The following THSD7A variants were observed in gnomAD, a reference collection of about 807,000 sequenced individuals.
THSD7A encodes thrombospondin type-1 domain-containing protein 7A.
A neutral mutation model predicts 231.3 loss-of-function variants in THSD7A; 96 were observed. The observed-to-expected ratio is 0.41, with a 90% CI of 0.35 to 0.49. The LOEUF (loss-of-function observed/expected upper bound fraction) is 0.49. Among genes scored for constraint, THSD7A ranks in the 20% least tolerant of loss-of-function variants. THSD7A has a pLI of 0.05. For synonymous variants in THSD7A, 940 were observed against 743.3 expected, an observed-to-expected ratio of 1.26 and a Z score of -4.30; for missense variants, 2,290 against 2,070.2, an observed-to-expected ratio of 1.11 and a Z score of -2.06.
intron 4 of THSD7A, among the ~76,000 whole-genome samples, chr7:11,589,137 C>T (rs963091292): frequency 3.3e-5 from 5 of 152,090 alleles, no homozygotes; most frequent in African/African-American, 9.7e-5. Context: ...TGCTCATATT[C>T]CTTCCCAAAA....
At chr7:11,685,190 G>A (rs1191502290) in intron 1 of THSD7A, among the ~76,000 whole-genome samples, 1 of 151,740 alleles carries the variant, frequency 6.6e-6, no homozygotes, top group Non-Finnish European at 1.5e-5. Context: ...AATGAAACTT[G>A]ACCTATACCT....
chr7:11,596,865 G>A (rs988771055), intron 2 of THSD7A, among the ~76,000 whole-genome samples: 1 of 152,210 alleles, frequency 6.6e-6, no homozygotes, highest in African/African-American at 2.4e-5. Context: ...CCATTGACAT[G>A]GCAAGTGCCT....
At chr7:11,548,290 C>G (rs1347852094) in intron 4 of THSD7A, among the ~76,000 whole-genome samples, 1 of 151,866 alleles carries the variant, frequency 6.6e-6, no homozygotes, top group Admixed American at 6.6e-5. Context: ...AATATACAAC[C>G]TCCAAAAATT....
At chr7:11,452,929 C>G (rs1330183622) in intron 11 of THSD7A, among the ~76,000 whole-genome samples, 1 of 151,776 alleles carries the variant, frequency 6.6e-6, no homozygotes, top group Non-Finnish European at 1.5e-5. Flanking sequence ...AATATATCAG[C>G]CAAAAAAGAG....
chr7:11,699,426 C>A (rs1018786424), intron 1 of THSD7A, among the ~76,000 whole-genome samples: 10 of 151,104 alleles, frequency 6.6e-5, no homozygotes, highest in Non-Finnish European at 1.3e-4. Flanking sequence ...AGCTTTGTAT[C>A]TTTCAGGGTA....
intron 1 of THSD7A, among the ~76,000 whole-genome samples, chr7:11,703,557 T>G (rs931435319): frequency 6.6e-6 from 1 of 151,250 alleles, no homozygotes; most frequent in Non-Finnish European, 1.5e-5. Context: ...TTTGCATTTC[T>G]TAAACTTTTA....
chr7:11,558,209 C>G (rs1789929980), intron 4 of THSD7A, among the ~76,000 whole-genome samples: 1 of 152,130 alleles, frequency 6.6e-6, no homozygotes, highest in South Asian at 2.1e-4. Context: ...CTGCCTTCTT[C>G]TCTCCAACTT....
rs1201011273 is a variant in THSD7A, at chr7:11,374,296, A to G, written c.*1498T>C. ...ATAGACCTTGTGGAAAATATTTTCT[A>G]TATAGTCCTTTACAGAAAAAGTTTG... On this transcript the variant is annotated 3_prime_UTR_variant, in exon 28 of 28. Transcript: ENST00000423059. The G allele has an allele frequency of 2.0e-5, 3 of 152,160 alleles. No individual in the cohort carries two copies. The highest frequency in any genetic ancestry group is 2.1e-4 in the South Asian group (1 of 4,830). 9.4% of individuals were successfully genotyped at this position (152,160 alleles called of 1,614,324 possible). A position where few individuals can be genotyped will look rare whatever the true frequency, so the allele number is the denominator to read the frequency against.
intron 6 of THSD7A, among the ~76,000 whole-genome samples, chr7:11,489,901 A>G (rs1460990433): frequency 6.6e-6 from 1 of 151,902 alleles, no homozygotes; most frequent in Non-Finnish European, 1.5e-5. Flanking sequence ...TCCCCCACAT[A>G]TATATTTACC....
chr7:11,529,977 T>C (rs1320868508), intron 6 of THSD7A, among the ~76,000 whole-genome samples: 1 of 152,060 alleles, frequency 6.6e-6, no homozygotes, highest in Admixed American at 6.6e-5. Context: ...CAAAACAGCA[T>C]TATAAACAGG....
chr7:11,468,454 C>T (rs1236105607), intron 9 of THSD7A, among the ~76,000 whole-genome samples: 1 of 151,456 alleles, frequency 6.6e-6, no homozygotes, highest in Non-Finnish European at 1.5e-5. Context: ...CACTGCATAG[C>T]AAGTTCATGC....
At chr7:11,812,308 C>T (rs962016336) in intron 1 of THSD7A, among the ~76,000 whole-genome samples, 4 of 152,006 alleles carry the variant, frequency 2.6e-5, no homozygotes, top group African/African-American at 9.7e-5. Flanking sequence ...CTATATAACC[C>T]TTTACAAAAT....
At chr7:11,830,735 T>G (rs1205810271) in intron 1 of THSD7A, among the ~76,000 whole-genome samples, 1 of 152,214 alleles carries the variant, frequency 6.6e-6, no homozygotes, top group Non-Finnish European at 1.5e-5. Context: ...TCAGTAGTGG[T>G]GCAGAGATGG....
intron 1 of THSD7A, among the ~76,000 whole-genome samples, chr7:11,720,879 G>T (rs1781326943): frequency 6.6e-6 from 1 of 151,516 alleles, no homozygotes; most frequent in African/African-American, 2.4e-5. Context: ...CCTTCTCTCT[G>T]CCCTTTGCTG....
chr7:11,539,675 T>A (rs1386939284), intron 6 of THSD7A, among the ~76,000 whole-genome samples: 2 of 152,194 alleles, frequency 1.3e-5, no homozygotes, highest in Admixed American at 1.3e-4. Context: ...AATAAGCCAC[T>A]GATATTTTTT....
chr7:11,493,726 C>T (rs150606817), intron 6 of THSD7A, among the ~76,000 whole-genome samples: 1 of 151,960 alleles, frequency 6.6e-6, no homozygotes, highest in Non-Finnish European at 1.5e-5. Context: ...TCATCTCATG[C>T]TCTGAGTTGA....
intron 1 of THSD7A, among the ~76,000 whole-genome samples, chr7:11,659,460 G>GT (rs748720155): frequency 6.0e-5 from 9 of 151,204 alleles, no homozygotes; most frequent in Non-Finnish European, 1.0e-4. Context: ...AACTTATATT[G>GT]TATTTCATTC....
At chr7:11,574,906 T>C (rs1420067462) in intron 4 of THSD7A, among the ~76,000 whole-genome samples, 1 of 152,144 alleles carries the variant, frequency 6.6e-6, no homozygotes, top group Non-Finnish European at 1.5e-5. Flanking sequence ...AAAACTGGCT[T>C]ACAAGTAGTA....
At chr7:11,585,701 G>A (rs892051784) in intron 4 of THSD7A, among the ~76,000 whole-genome samples, 11 of 151,996 alleles carry the variant, frequency 7.2e-5, no homozygotes, top group South Asian at 2.1e-4. Flanking sequence ...AGCCTATTCC[G>A]TCAGTTTAGG....
Sources: allele counts gnomAD v4.1 joint callset (sites outside exome capture counted in the v4.1 genomes callset), GRCh38; gene constraint gnomAD v4.1.1; transcripts MANE v1.5; gene names NCBI Gene and HGNC (gene_info 2026-07-23, HGNC 2026-07-21).